Variants in ALDH3A2 observed in about 807,000 individuals in gnomAD.
ALDH3A2 encodes the protein aldehyde dehydrogenase family 3 member A2.
ALDH3A2 carries 36 observed loss-of-function variants against 51.3 expected under a neutral mutation model. That is an observed-to-expected ratio of 0.70 (90% CI 0.54 to 0.93). The LOEUF (loss-of-function observed/expected upper bound fraction) is 0.93, where lower values mean the gene tolerates loss of function less well. Among genes scored for constraint, ALDH3A2 ranks in the 40% least tolerant of loss-of-function variants. The probability of loss-of-function intolerance (pLI) is 0.00; values close to 1 mark genes in which losing one functional copy is unlikely to be tolerated. For missense variants in ALDH3A2, 552 were observed against 603.1 expected (o/e 0.92, Z 0.89); for synonymous variants, 199 against 219.8 (o/e 0.91, Z 0.84).
At position 19,654,279 on chromosome 17, in the gene ALDH3A2, T is replaced by C. The variant is rs1230785332; in HGVS notation, c.471+1647T>C. Among the ~76,000 whole-genome samples the C allele has an allele frequency of 6.6e-6, 1 of 152,224 alleles. No individual in the cohort carries two copies. The highest frequency in any genetic ancestry group is 1.5e-5 in the Non-Finnish European group (1 of 68,042). ...GTGGATCCCACGCCGGGGCTGTGGG[T>C]GGAGCTGCCCATCAGTCCAGCGCTG... On this transcript the variant is annotated intron_variant, in intron 3 of 9. Coordinates refer to ENST00000176643, the MANE Select transcript of ALDH3A2 (RefSeq NM_000382.3). The surrounding 1 kb of genome is among the most constrained non-coding windows in gnomAD (Gnocchi z 4.5).
intron 8 of ALDH3A2, among the ~76,000 whole-genome samples, chr17:19,665,409 G>GTGTGT (rs1555534756): frequency 1.4e-5 from 2 of 139,762 alleles, no homozygotes; most frequent in African/African-American, 5.9e-5. Flanking sequence ...GTGTGTGTGT[G>GTGTGT]GTGTGTGTGT....
intron 9 of ALDH3A2, chr17:19,675,185 T>G (rs2085170595): frequency 9.8e-6 from 2 of 205,114 alleles, no homozygotes; most frequent in South Asian, 1.4e-4. Flanking sequence ...GAAACAAAAT[T>G]GTATACCAGT....
intron 2 of ALDH3A2, 91 bp downstream of exon 2, chr17:19,651,869 A>G: frequency 8.4e-7 from 1 of 1,191,512 alleles, no homozygotes; most frequent in Non-Finnish European, 1.2e-6. Flanking sequence ...AATTAAATAC[A>G]TTTACTTGGT....
rs1208845566 is a variant in ALDH3A2 at position 19,656,309 on chromosome 17, T to C, written c.472-57T>C. 7.1e-6 allele frequency: 10 copies of C among 1,403,834 alleles called. No individual in the cohort carries two copies. In the East Asian group the frequency reaches 1.6e-4, roughly 22 times the overall value. The allele number at this position is 1,403,834 out of a possible 1,614,324, so 87.0% of individuals were successfully genotyped here. A position where few individuals can be genotyped will look rare whatever the true frequency, so the allele number is the denominator to read the frequency against. On this transcript the variant is annotated intron_variant, in intron 3 of 9. Transcript: ENST00000176643. ...ATGTTTATGTTGAAGAGATTGCTGA[T>C]GTTAGACGTTAGGATTTATTTGGCA...
chr17:19,648,941 C>G lies in ALDH3A2; in HGVS notation c.-31C>G. 1 of 1,563,720 alleles carries G rather than the reference C, an allele frequency of 6.4e-7. No homozygotes were observed. The highest frequency in any genetic ancestry group is 1.2e-5 in the South Asian group (1 of 85,468). On this transcript the variant is annotated 5_prime_UTR_variant, in exon 1 of 10. Transcript: ENST00000176643. ...CCCGCCTCCCACTCCCCAGCGCCCC[C>G]GGACCGTGCAGTTCTCTGCAGGACC...
rs538192185 is a variant in ALDH3A2, at chr17:19,670,708, G to A, written c.1208-1013G>A. ...CTCCCAGGTAGCTGGGACTACAGGC[G>A]TGCGCCACCACGTCCAACTAATTTT... On this transcript the variant is annotated intron_variant, in intron 8 of 9. Transcript: ENST00000176643. Among the ~76,000 whole-genome samples the A allele has an allele frequency of 1.1e-3, 171 of 152,216 alleles. 1 individual carries two copies. Among genetic ancestry groups the A allele is most frequent in the African/African-American group, 3.8e-3 (159 of 41,542 alleles).
At chr17:19,659,593 C>T (rs1283914507) in intron 5 of ALDH3A2, 1 of 152,100 alleles carries the variant, frequency 6.6e-6, no homozygotes, top group Non-Finnish European at 1.5e-5. Flanking sequence ...TCCTGTAATC[C>T]CAGCACTTTG....
At chr17:19,670,826 G>C (rs1316545976) in intron 8 of ALDH3A2, among the ~76,000 whole-genome samples, 2 of 152,184 alleles carry the variant, frequency 1.3e-5, no homozygotes, top group African/African-American at 4.8e-5. Flanking sequence ...CTCCCAAAGT[G>C]CTGGGATTAC....
At position 19,671,902 on chromosome 17, in the gene ALDH3A2, A is replaced by G. The variant is rs770888408; in HGVS notation, c.1389A>G (p.Lys463=). The G allele has an allele frequency of 5.0e-6, 8 of 1,613,454 alleles. No homozygotes were observed. Among genetic ancestry groups the G allele is most frequent in the African/African-American group, 1.3e-5 (1 of 74,690 alleles). ...TCTTGAAACGGTTCAACAAAGAAAA[A>G]CTCGGTCTCCTGTTGCTCACTTTCC... ...FFLLKRFNKE[K]LGLLLLTFLG... Residue 463 remains lysine, a synonymous_variant, in exon 9 of 10, where the codon AAA becomes AAG. Transcript: ENST00000176643.
intron 3 of ALDH3A2, among the ~76,000 whole-genome samples, chr17:19,655,108 C>T (rs1023553755): frequency 7.2e-5 from 11 of 152,114 alleles, no homozygotes; most frequent in African/African-American, 2.4e-4. Flanking sequence ...GTTATGATGC[C>T]GCGAAGAAAT....
At chr17:19,673,872 A>C (rs1393177206) in intron 9 of ALDH3A2, among the ~76,000 whole-genome samples, 1 of 152,298 alleles carries the variant, frequency 6.6e-6, no homozygotes, top group African/African-American at 2.4e-5. Flanking sequence ...TGCAGAGGCA[A>C]TGGCTTAGCT....
chr17:19,649,323 C>T (rs1366325565), intron 1 of ALDH3A2, 199 bp downstream of exon 1: 1 of 648,564 alleles, frequency 1.5e-6, no homozygotes, highest in Non-Finnish European at 2.6e-6. Flanking sequence ...CATATGTTAC[C>T]TAGCTTCTGT....
In ALDH3A2 at chr17:19,676,419, C is replaced by T. The variant is rs140077586; in HGVS notation, c.*847C>T. On this transcript the variant is annotated 3_prime_UTR_variant, in exon 10 of 10. Coordinates refer to ENST00000176643, the MANE Select transcript of ALDH3A2 (RefSeq NM_000382.3). ...CTGTAATCCCAGCACTTTGGGAGGC[C>T]GAGGTGGGAGGATTGCTTGAGTCCA... 992 of 152,234 alleles carry T rather than the reference C, an allele frequency of 6.5e-3. 7 individuals are homozygous for T. The highest frequency in any genetic ancestry group is 9.1e-3 in the Non-Finnish European group (619 of 68,106). The allele number at this position is 152,234 out of a possible 1,614,324, so 9.4% of individuals were successfully genotyped here. A position where few individuals can be genotyped will look rare whatever the true frequency, so the allele number is the denominator to read the frequency against.
chr17:19,674,277 A>G (rs1451605707), intron 9 of ALDH3A2: 1 of 151,756 alleles, frequency 6.6e-6, no homozygotes, highest in Non-Finnish European at 1.5e-5. Context: ...TTGATAATGC[A>G]TCTTGGTAGG....
At chr17:19,653,203 C>T (rs1252293053) in intron 3 of ALDH3A2, among the ~76,000 whole-genome samples, 1 of 151,992 alleles carries the variant, frequency 6.6e-6, no homozygotes, top group Non-Finnish European at 1.5e-5. Flanking sequence ...TGCCACCATG[C>T]CCAGCTAGTT....
In ALDH3A2 at chr17:19,661,108, C is replaced by T. The variant is rs2084959719; in HGVS notation, c.799-19C>T. 1.2e-6 allele frequency: 2 copies of T among 1,602,574 alleles called. No individual in the cohort carries two copies. The highest frequency in any genetic ancestry group is 1.7e-5 in the Admixed American group (1 of 59,940). On this transcript the variant is annotated intron_variant, in intron 5 of 9. Coordinates refer to ENST00000176643, the MANE Select transcript of ALDH3A2 (RefSeq NM_000382.3). ...TGTGGGTCTTTGTGACATTTATATA[C>T]TCCTGTTGTTTTAAATAGGAATTTT...
intron 3 of ALDH3A2, among the ~76,000 whole-genome samples, chr17:19,653,349 G>A (rs1335961000): frequency 6.6e-6 from 1 of 152,158 alleles, no homozygotes; most frequent in East Asian, 1.9e-4. Context: ...CCATGTGTCT[G>A]GAATTGGTGG....
chr17:19,656,468 A>C lies in ALDH3A2; in HGVS notation c.574A>C (p.Ile192Leu). 6.2e-7 allele frequency: 1 copy of C among 1,614,146 alleles called. No homozygotes were observed. ...TACGGGAAACACTGCGGTTGGCAAAATTGTCATGGAAGCTGCTGCCAAGCA... is the reference window on the plus strand; with the variant it reads ...TACGGGAAACACTGCGGTTGGCAAACTTGTCATGGAAGCTGCTGCCAAGCA... Reference protein sequence around the residue: ...FYTGNTAVGKIVMEAAAKHLT... With the variant: ...FYTGNTAVGKLVMEAAAKHLT... The change falls in exon 4 of 10, where the codon ATT becomes CTT. Residue 192 changes from isoleucine (I) to leucine (L), a missense_variant. Transcript: ENST00000176643.
intron 2 of ALDH3A2, among the ~76,000 whole-genome samples, chr17:19,652,141 C>T (rs1450903468): frequency 6.6e-6 from 1 of 152,176 alleles, no homozygotes; most frequent in Non-Finnish European, 1.5e-5. Context: ...CAAATAAAGA[C>T]TATGAGAGTA....
Sources: gnomAD v4.1 joint callset for allele counts (sites outside exome capture counted in the v4.1 genomes callset) on GRCh38, gnomAD v4.1.1 for gene constraint, Gnocchi (gnomAD v3.1) non-coding constraint, MANE v1.5 for transcripts, NCBI Gene and HGNC (gene_info 2026-07-23, HGNC 2026-07-21) for gene names.